Variants in KIF1B observed in about 807,000 individuals in gnomAD.
KIF1B encodes kinesin-like protein KIF1B.
A neutral mutation model predicts 241.9 loss-of-function variants in KIF1B; 76 were observed. The observed-to-expected ratio is 0.31, with a 90% CI of 0.26 to 0.38. KIF1B has a LOEUF of 0.38. Ranked by LOEUF, KIF1B falls within the 10% of genes least tolerant of loss-of-function variation. KIF1B has a pLI of 1.00. For synonymous variants in KIF1B, 750 were observed against 796.7 expected (o/e 0.94, Z 0.99); for missense variants, 1,622 against 2,271.4 (o/e 0.71, Z 5.81).
intron 22 of KIF1B, among the ~76,000 whole-genome samples, chr1:10,299,440 C>T (rs1336601110): frequency 1.3e-5 from 2 of 152,306 alleles, no homozygotes; most frequent in East Asian, 1.9e-4. Flanking sequence ...TGATTTCTAA[C>T]ACTTCAGCCT....
chr1:10,375,445 C>A, intron 48 of KIF1B, 72 bp downstream of exon 48: 2 of 1,299,270 alleles, frequency 1.5e-6, no homozygotes, highest in Non-Finnish European at 2.2e-6. Context: ...AGTGCAGTGG[C>A]TTGGTCTTGG....
rs781647232 is a variant in KIF1B at position 10,324,783 on chromosome 1, A to T, written c.2563A>T (p.Met855Leu). Reference sequence around the variant, plus strand: ...GCAGAGGCTGGATTTGATGCGAGAGATGTATGATAGGGCAGGGGAGATGGC... The same window carrying T: ...GCAGAGGCTGGATTTGATGCGAGAGTTGTATGATAGGGCAGGGGAGATGGC... Reference protein sequence around the residue: ...LKQRLDLMREMYDRAGEMASS... With the variant: ...LKQRLDLMRELYDRAGEMASS... Residue 855 changes from methionine to leucine, a missense_variant, in exon 26 of 49, where the codon ATG becomes TTG. Transcript: ENST00000676179. 4.3e-6 allele frequency: 7 copies of T among 1,613,974 alleles called. No individual in the cohort carries two copies. Among genetic ancestry groups the T allele is most frequent in the Non-Finnish European group, 1.7e-6 (2 of 1,179,954 alleles).
chr1:10,242,474 A>G (rs1282713250), intron 2 of KIF1B, among the ~76,000 whole-genome samples: 1 of 152,196 alleles, frequency 6.6e-6, no homozygotes, highest in Non-Finnish European at 1.5e-5. Flanking sequence ...AACATATCTA[A>G]CCATAGAAAG....
intron 1 of KIF1B, among the ~76,000 whole-genome samples, chr1:10,221,444 A>T (rs1167303167): frequency 6.6e-6 from 1 of 152,086 alleles, no homozygotes; most frequent in African/African-American, 2.4e-5. Context: ...AGCGTGGCCC[A>T]TGGTTAACTT....
At chr1:10,372,651 TTGGGTGACAGAGCTG>T (rs1397185812) in intron 45 of KIF1B, among the ~76,000 whole-genome samples, 2 of 117,098 alleles carry the variant, frequency 1.7e-5, no homozygotes, top group African/African-American at 6.7e-5. Context: ...GCGCGCCAGC[TTGGGTGACAGAGCTG>T]TCACCCAAGC....
At chr1:10,298,834 A>T (rs1464160188) in intron 22 of KIF1B, 1 of 152,180 alleles carries the variant, frequency 6.6e-6, no homozygotes, top group East Asian at 1.9e-4. Flanking sequence ...TGTATAAGTA[A>T]AATATGTAAT....
At chr1:10,247,604 A>G (rs1042945776) in intron 2 of KIF1B, among the ~76,000 whole-genome samples, 2 of 152,258 alleles carry the variant, frequency 1.3e-5, no homozygotes, top group African/African-American at 4.8e-5. Flanking sequence ...CCTTGAGCCA[A>G]AATGTGAGAA....
chr1:10,225,525 T>C (rs574058636), intron 1 of KIF1B, among the ~76,000 whole-genome samples: 1 of 152,046 alleles, frequency 6.6e-6, no homozygotes, highest in East Asian at 1.9e-4. Flanking sequence ...GGTCAATGAT[T>C]TGAAAAGTGT....
In KIF1B at chr1:10,326,291, A is replaced by G; in HGVS notation, c.2856A>G (p.Gly952=). Residue 952 remains glycine (G), a synonymous_variant, in exon 27 of 49, where the codon GGA becomes GGG. Coordinates refer to ENST00000676179, the MANE Select transcript of KIF1B (RefSeq NM_001365951.3). The surrounding 1 kb of genome is among the most constrained non-coding windows in gnomAD (Gnocchi z 5.2). The stretch of plus-strand genomic sequence containing the variant: ...GCTCTGACGCAGGGACGGAGGAGGG[A>G]TCAGATCTCTTCAGTGACGGGCATG... The part of the protein sequence containing the change: ...DAGSDAGTEE[G]SDLFSDGHDP... The G allele has an allele frequency of 6.2e-7, 1 of 1,614,130 alleles. No individual in the cohort carries two copies.
Position 10,332,501 on chromosome 1 carries a change from ATTTTTTTTTTTTTT to A in KIF1B, c.2925-2000_2925-1987del, listed in dbSNP as rs568393252. Among the ~76,000 whole-genome samples the A allele has an allele frequency of 2.7e-4, 16 of 58,692 alleles. No homozygotes were observed. The East Asian group carries it at 6.7e-3, about 25-fold the overall frequency. 38.5% of individuals were successfully genotyped at this position (58,692 alleles called of 152,430 possible). On this transcript the variant is annotated intron_variant, in intron 27 of 48. Transcript: ENST00000676179. Reference sequence around the variant, plus strand: ...GTCACCCTGCCTGAAGATAATAGTCATTTTTTTTTTTTTTTTTTTTTTTTTTTTTTTTGAGACGG... The same window carrying A: ...GTCACCCTGCCTGAAGATAATAGTCATTTTTTTTTTTTTTTTTTGAGACGG...
rs149889673 is a variant in KIF1B at position 10,348,692 on chromosome 1, G to A, written c.3908G>A (p.Gly1303Glu). The change falls in exon 37 of 49, where the codon GGG (glycine) becomes GAG (glutamate). Residue 1303 changes from glycine to glutamate, a missense_variant. Gly to Glu is a moderately conservative substitution (Grantham distance 98, BLOSUM62 -2). This residue lies in a region of KIF1B where 803 missense variants were observed against 1,112.0 expected (regional missense o/e 0.72). Coordinates refer to ENST00000676179, the MANE Select transcript of KIF1B (RefSeq NM_001365951.3). ...ACAGTGACCATTATCCATGAGAAGG[G>A]GAGCGAGCTCCATTGGAAAGATGTT... is the stretch of plus-strand genomic sequence containing the variant. ...RITVTIIHEK[G>E]SELHWKDVRE... The A allele has an allele frequency of 3.1e-6, 5 of 1,614,050 alleles. No individual in the cohort carries two copies. The highest frequency in any genetic ancestry group is 4.2e-6 in the Non-Finnish European group (5 of 1,180,014).
At chr1:10,345,824 T>TA in intron 34 of KIF1B, 21 bp from the exon 35 acceptor site, 5 of 1,592,992 alleles carry the variant, frequency 3.1e-6, no homozygotes, top group Non-Finnish European at 3.4e-6. Context: ...GATTTTGACA[T>TA]ACTCTAAAAA....
Position 10,256,238 on chromosome 1 carries a change from A to G in KIF1B, c.107-9A>G. On this transcript the variant is annotated splice_polypyrimidine_tract_variant and intron_variant, in intron 2 of 48. Coordinates refer to ENST00000676179, the MANE Select transcript of KIF1B (RefSeq NM_001365951.3). ...GTGACTTATAAAATGAAACATTTTT[A>G]TCTTCTAGGTATTATTAACCCAAAG... 2 of 1,564,722 alleles carry G rather than the reference A, an allele frequency of 1.3e-6. No individual in the cohort carries two copies. Among genetic ancestry groups the G allele is most frequent in the Non-Finnish European group, 1.8e-6 (2 of 1,135,090 alleles).
chr1:10,218,983 C>T (rs925445077), intron 1 of KIF1B, among the ~76,000 whole-genome samples: 1 of 152,008 alleles, frequency 6.6e-6, no homozygotes, highest in African/African-American at 2.4e-5. Flanking sequence ...TATAGGTTGC[C>T]TCGGCTAATG....
At chr1:10,361,293 T>G (rs1234121894) in intron 39 of KIF1B, among the ~76,000 whole-genome samples, 1 of 152,256 alleles carries the variant, frequency 6.6e-6, no homozygotes, top group Non-Finnish European at 1.5e-5. Flanking sequence ...CACCATTGTT[T>G]GAAGAATGTG....
At chr1:10,334,684 G>T in intron 28 of KIF1B, 46 bp downstream of exon 28, 1 of 1,446,576 alleles carries the variant, frequency 6.9e-7, no homozygotes, top group East Asian at 2.3e-5. Flanking sequence ...TCTTTGTCTA[G>T]AGACAAAGCA....
intron 17 of KIF1B, 77 bp from the exon 18 acceptor site, chr1:10,295,009 C>G (rs1280020756): frequency 1.1e-6 from 1 of 937,590 alleles, no homozygotes; most frequent in Non-Finnish European, 1.8e-6. Flanking sequence ...GAAGCCTGGC[C>G]TCTTGTAGGC....
chr1:10,233,710 C>CTTTTTTT (rs61200537), intron 2 of KIF1B, among the ~76,000 whole-genome samples: 15 of 142,646 alleles, frequency 1.1e-4, no homozygotes, highest in African/African-American at 1.6e-4. Context: ...CTCAATAAAG[C>CTTTTTTT]TTTTTTTTTT....
At chr1:10,358,144 A>G (rs1317212096) in intron 38 of KIF1B, among the ~76,000 whole-genome samples, 1 of 151,766 alleles carries the variant, frequency 6.6e-6, no homozygotes, top group African/African-American at 2.4e-5. Flanking sequence ...TGACAAAAGA[A>G]AAAAATGAAA....
Sources: gnomAD v4.1 joint callset for allele counts (sites outside exome capture counted in the v4.1 genomes callset) on GRCh38, gnomAD v4.1.1 for gene constraint, gnomAD v4.1.1 regional missense constraint, Gnocchi (gnomAD v3.1) non-coding constraint, MANE v1.5 for transcripts, NCBI Gene and HGNC (gene_info 2026-07-23, HGNC 2026-07-21) for gene names.